The following CPNE4 variants were observed in gnomAD, a reference collection of about 807,000 sequenced individuals.
CPNE4 encodes copine-4.
A neutral mutation model predicts 67.9 loss-of-function variants in CPNE4; 25 were observed. The ratio of observed to expected loss-of-function variants is 0.37; its 90% confidence interval spans 0.27 to 0.51. CPNE4 has a LOEUF of 0.51. CPNE4 is among the 20% of genes least tolerant of loss of function. The probability of loss-of-function intolerance (pLI) is 0.93; values close to 1 mark genes in which losing one functional copy is unlikely to be tolerated. For missense variants in CPNE4, 464 were observed against 690.8 expected, an observed-to-expected ratio of 0.67 and a Z score of 3.68; for synonymous variants, 242 against 244.9, an observed-to-expected ratio of 0.99 and a Z score of 0.11.
chr3:131,784,072 G>A (rs2083492375), intron 2 of CPNE4, among the ~76,000 whole-genome samples: 1 of 152,058 alleles, frequency 6.6e-6, no homozygotes, highest in South Asian at 2.1e-4. Context: ...CACTTGTGCT[G>A]ACATTTTACG....
At chr3:131,834,498 G>A (rs1007010009) in intron 2 of CPNE4, among the ~76,000 whole-genome samples, 1 of 151,998 alleles carries the variant, frequency 6.6e-6, no homozygotes, top group Non-Finnish European at 1.5e-5. Flanking sequence ...AAGAAAAAGC[G>A]TATTCATTCA....
intron 2 of CPNE4, among the ~76,000 whole-genome samples, chr3:131,777,333 T>C (rs2107845437): frequency 6.6e-6 from 1 of 152,016 alleles, no homozygotes; most frequent in South Asian, 2.1e-4. Flanking sequence ...TGTTCAGCTT[T>C]GAATTTTTAA....
chr3:131,620,115 C>A (rs767387847), intron 7 of CPNE4, among the ~76,000 whole-genome samples: 1 of 152,176 alleles, frequency 6.6e-6, no homozygotes, highest in Non-Finnish European at 1.5e-5. Flanking sequence ...AGCCAGGACA[C>A]AGCAGCATGC....
At chr3:131,558,442 T>G (rs921404933) in intron 11 of CPNE4, among the ~76,000 whole-genome samples, 1 of 151,926 alleles carries the variant, frequency 6.6e-6, no homozygotes, top group African/African-American at 2.4e-5. Flanking sequence ...GGAAAATGAC[T>G]GACAAAGACA....
At chr3:131,869,286 G>A (rs1343234814) in intron 2 of CPNE4, among the ~76,000 whole-genome samples, 2 of 152,104 alleles carry the variant, frequency 1.3e-5, no homozygotes, top group Non-Finnish European at 2.9e-5. Flanking sequence ...CACATTGTTG[G>A]CTTAGCTTGT....
At chr3:131,821,138 C>T (rs1285175709) in intron 2 of CPNE4, among the ~76,000 whole-genome samples, 1 of 152,098 alleles carries the variant, frequency 6.6e-6, no homozygotes, top group African/African-American at 2.4e-5. Context: ...CTCCAGAGCC[C>T]GTTTCATTTT....
chr3:131,876,385 G>C (rs959459286), intron 2 of CPNE4, among the ~76,000 whole-genome samples: 1 of 152,026 alleles, frequency 6.6e-6, no homozygotes. Flanking sequence ...GCTCACGCCT[G>C]TAATCCCAGC....
At chr3:131,981,651 G>T (rs1010571465) in intron 1 of CPNE4, among the ~76,000 whole-genome samples, 5 of 152,178 alleles carry the variant, frequency 3.3e-5, no homozygotes, top group Admixed American at 1.3e-4. Context: ...TTGAGCTATA[G>T]ATATGCTTCT....
At chr3:131,681,241 T>C (rs1006575763) in intron 6 of CPNE4, among the ~76,000 whole-genome samples, 14 of 152,344 alleles carry the variant, frequency 9.2e-5, no homozygotes, top group Non-Finnish European at 1.8e-4. Context: ...CCAGTGAGTT[T>C]TGAACCTTCA....
At chr3:131,678,420 C>A (rs1341894862) in intron 6 of CPNE4, among the ~76,000 whole-genome samples, 1 of 152,048 alleles carries the variant, frequency 6.6e-6, no homozygotes, top group Non-Finnish European at 1.5e-5. Context: ...ATTTGAATGC[C>A]CTTTATTTCT....
chr3:131,765,652 T>C (rs980498253), intron 2 of CPNE4, among the ~76,000 whole-genome samples: 2 of 152,100 alleles, frequency 1.3e-5, no homozygotes, highest in African/African-American at 2.4e-5. Context: ...CAATAGGTTT[T>C]CTGGTGGTCT....
intron 7 of CPNE4, among the ~76,000 whole-genome samples, chr3:131,619,595 T>C (rs1940352194): frequency 6.6e-6 from 1 of 152,186 alleles, no homozygotes; most frequent in African/African-American, 2.4e-5. Context: ...TTTTCCAAGT[T>C]CATTGGCTTG....
chr3:131,572,753 A>C (rs1209005235), intron 10 of CPNE4, among the ~76,000 whole-genome samples: 1 of 152,032 alleles, frequency 6.6e-6, no homozygotes, highest in African/African-American at 2.4e-5. Context: ...ATAATGTGCC[A>C]ATGGGGGTTT....
Position 131,939,566 on chromosome 3 carries a change from C to T in CPNE4, c.-1-34122G>A, listed in dbSNP as rs755885750. On this transcript the variant is annotated intron_variant, in intron 1 of 15. Coordinates refer to ENST00000429747, the MANE Select transcript of CPNE4 (RefSeq NM_130808.3). ...TTTGCCTAAGATTATCCTGATTTCC[C>T]CCAGACAGTCCTGGTTTTCACCTGT... 5.9e-5 allele frequency among the ~76,000 whole-genome samples: 9 copies of T among 152,090 alleles called. No homozygotes were observed. In the South Asian group the frequency reaches 8.3e-4, roughly 14 times the overall value.
At chr3:131,725,990 G>A (rs2081990423) in intron 2 of CPNE4, among the ~76,000 whole-genome samples, 1 of 152,138 alleles carries the variant, frequency 6.6e-6, no homozygotes, top group African/African-American at 2.4e-5. Context: ...AGCCATATAA[G>A]AGATTTAATT....
chr3:131,693,423 AATT>A (rs1049000920), intron 5 of CPNE4, among the ~76,000 whole-genome samples: 2 of 152,146 alleles, frequency 1.3e-5, no homozygotes, highest in East Asian at 1.9e-4. Context: ...TTAATGGAAA[AATT>A]ATTATAATTA....
chr3:131,873,121 A>G (rs2087290152), intron 2 of CPNE4, among the ~76,000 whole-genome samples: 1 of 152,224 alleles, frequency 6.6e-6, no homozygotes, highest in Non-Finnish European at 1.5e-5. Flanking sequence ...ACACTATGTC[A>G]TCATTCCATT....
intron 3 of CPNE4, among the ~76,000 whole-genome samples, chr3:131,711,403 A>T (rs1447034346): frequency 6.6e-6 from 1 of 152,144 alleles, no homozygotes; most frequent in Non-Finnish European, 1.5e-5. Context: ...TTTGAATCTC[A>T]GTGGGGAGAG....
At chr3:131,563,687 T>A (rs915559188) in intron 11 of CPNE4, among the ~76,000 whole-genome samples, 1 of 152,022 alleles carries the variant, frequency 6.6e-6, no homozygotes, top group Non-Finnish European at 1.5e-5. Flanking sequence ...GTGGAGTGGG[T>A]AGACCTGGGC....
Sources: gnomAD v4.1 joint callset for allele counts (sites outside exome capture counted in the v4.1 genomes callset) on GRCh38, gnomAD v4.1.1 for gene constraint, MANE v1.5 for transcripts, NCBI Gene and HGNC (gene_info 2026-07-23, HGNC 2026-07-21) for gene names.